Variants in ST8SIA1 observed in about 807,000 individuals in gnomAD.
ST8SIA1 encodes ST8 alpha-N-acetyl-neuraminide alpha-2,8-sialyltransferase 1.
A neutral mutation model predicts 35.9 loss-of-function variants in ST8SIA1; 16 were observed. The observed-to-expected ratio is 0.45, with a 90% CI of 0.30 to 0.68. The LOEUF (loss-of-function observed/expected upper bound fraction) is 0.68. Ranked by LOEUF, ST8SIA1 falls within the 30% of genes least tolerant of loss-of-function variation. The pLI is 0.09. For synonymous variants in ST8SIA1, 170 were observed against 169.6 expected (o/e 1.00, Z -0.02); for missense variants, 383 against 453.6 (o/e 0.84, Z 1.41).
Position 22,264,350 on chromosome 12 carries a change from G to A in ST8SIA1, c.382-8961C>T, listed in dbSNP as rs552971616. Among the ~76,000 whole-genome samples, 11 of 152,152 alleles carry A rather than the reference G, an allele frequency of 7.2e-5. No individual in the cohort carries two copies. The South Asian group carries it at 2.1e-3, about 29-fold the overall frequency. On this transcript the variant is annotated intron_variant, in intron 2 of 4. Transcript: ENST00000396037. ...CTCACATGAACATCTCTTTATCCCTGTACCCCAGTCACTTTATTACTTCAG... is the reference window on the plus strand; with the variant it reads ...CTCACATGAACATCTCTTTATCCCTATACCCCAGTCACTTTATTACTTCAG...
At chr12:22,222,662 T>A (rs1327246975) in intron 4 of ST8SIA1, among the ~76,000 whole-genome samples, 1 of 151,952 alleles carries the variant, frequency 6.6e-6, no homozygotes, top group African/African-American at 2.4e-5. Flanking sequence ...TTATATACAC[T>A]GTATCTCTAG....
At chr12:22,323,259 TTAATC>T (rs1324802034) in intron 1 of ST8SIA1, among the ~76,000 whole-genome samples, 1 of 152,208 alleles carries the variant, frequency 6.6e-6, no homozygotes, top group Non-Finnish European at 1.5e-5. Context: ...ATTTTATAAT[TTAATC>T]TAACAATCAT....
chr12:22,325,401 T>C (rs1173076752), intron 1 of ST8SIA1: 1 of 700,492 alleles, frequency 1.4e-6, no homozygotes, highest in Non-Finnish European at 2.6e-6. Context: ...TCCTGGCACC[T>C]AATTAGAGCG....
Position 22,201,773 on chromosome 12 carries a change from G to C in ST8SIA1, c.850C>G (p.Leu284Val). The C allele has an allele frequency of 6.2e-7, 1 of 1,614,132 alleles. No homozygotes were observed. Among genetic ancestry groups the C allele is most frequent in the South Asian group, 1.1e-5 (1 of 91,092 alleles). Residue 284 changes from leucine to valine, a missense_variant, in exon 5 of 5, where the codon CTG (leucine) becomes GTG (valine). Leu to Val is a conservative substitution (Grantham distance 32, BLOSUM62 1). Coordinates refer to ENST00000396037, the MANE Select transcript of ST8SIA1 (RefSeq NM_003034.4). ...STGLFLVSAA[L>V]GLCEEVAIYG... The stretch of plus-strand genomic sequence containing the variant: ...ATGGCCACCTCTTCACAGAGACCCA[G>C]AGCTGCGCTCACCAGAAAAAGTCCT...
intron 1 of ST8SIA1, among the ~76,000 whole-genome samples, chr12:22,331,080 T>C (rs1325465006): frequency 1.3e-5 from 2 of 152,236 alleles, no homozygotes; most frequent in Non-Finnish European, 1.5e-5. Flanking sequence ...GGTTCTTCTC[T>C]GAGAATTCAG....
rs539040676 is a variant in ST8SIA1 at position 22,235,930 on chromosome 12, G to A, written c.584+13076C>T. Among the ~76,000 whole-genome samples the A allele has an allele frequency of 2.0e-5, 3 of 151,254 alleles. No homozygotes were observed. In the South Asian group the frequency reaches 6.3e-4, roughly 32 times the overall value. ...CACACACACACGTGCACATACACACGCTAATGTCACATACAAAACTGACAA... is the reference window on the plus strand; with the variant it reads ...CACACACACACGTGCACATACACACACTAATGTCACATACAAAACTGACAA... On this transcript the variant is annotated intron_variant, in intron 4 of 4. Coordinates refer to ENST00000396037, the MANE Select transcript of ST8SIA1 (RefSeq NM_003034.4).
At chr12:22,244,832 A>C (rs1003821509) in intron 4 of ST8SIA1, among the ~76,000 whole-genome samples, 1 of 152,112 alleles carries the variant, frequency 6.6e-6, no homozygotes, top group South Asian at 2.1e-4. Context: ...TTTTTTTCCC[A>C]TGTGTAATCT....
chr12:22,283,906 G>A (rs1319627079), intron 2 of ST8SIA1, among the ~76,000 whole-genome samples: 2 of 152,184 alleles, frequency 1.3e-5, no homozygotes, highest in Non-Finnish European at 2.9e-5. Context: ...TTAGAACACA[G>A]AACACTGTCA....
chr12:22,263,242 C>T (rs1270854912), intron 2 of ST8SIA1, among the ~76,000 whole-genome samples: 1 of 152,166 alleles, frequency 6.6e-6, no homozygotes, highest in Non-Finnish European at 1.5e-5. Context: ...CAACAGGAGT[C>T]TCCGTGTTTT....
intron 3 of ST8SIA1, 115 bp from the exon 4 acceptor site, chr12:22,249,213 G>GTTTTTTT (rs771983175): frequency 5.0e-5 from 23 of 461,388 alleles, no homozygotes; most frequent in Admixed American, 7.6e-5. Context: ...TAACTGTTTT[G>GTTTTTTT]TTTTTTGTTT....
chr12:22,237,269 T>C (rs1258242225), intron 4 of ST8SIA1, among the ~76,000 whole-genome samples: 2 of 152,008 alleles, frequency 1.3e-5, no homozygotes, highest in African/African-American at 4.8e-5. Context: ...TTTTTTATTT[T>C]TTATATTTGT....
At chr12:22,213,627 A>T (rs1326227664) in intron 4 of ST8SIA1, among the ~76,000 whole-genome samples, 2 of 152,240 alleles carry the variant, frequency 1.3e-5, no homozygotes, top group Admixed American at 6.5e-5. Flanking sequence ...ACCTGGGGAA[A>T]TGCAAACAAT....
intron 4 of ST8SIA1, chr12:22,223,560 G>A (rs1865324267): frequency 9.5e-7 from 1 of 1,049,628 alleles, no homozygotes; most frequent in African/African-American, 1.7e-5. Flanking sequence ...GAGGAGACAG[G>A]GGCCCATTTT....
At chr12:22,310,413 T>G (rs12301177) in intron 1 of ST8SIA1, among the ~76,000 whole-genome samples, 5,948 of 152,180 alleles carry the variant, frequency 0.039, 357 homozygotes, top group African/African-American at 0.13. Context: ...AAAGACAAAG[T>G]GGCAGGTTCC....
rs1448777616 is a variant in ST8SIA1 at position 22,197,246 on chromosome 12, C to G, written c.*4306G>C. 1 of 152,206 alleles carries G rather than the reference C, an allele frequency of 6.6e-6. No individual in the cohort carries two copies. The highest frequency in any genetic ancestry group is 1.5e-5 in the Non-Finnish European group (1 of 68,048). 9.4% of individuals were successfully genotyped at this position (152,206 alleles called of 1,614,324 possible). A position where few individuals can be genotyped will look rare whatever the true frequency, so the allele number is the denominator to read the frequency against. Reference sequence around the variant, plus strand: ...ACAACATTACTCTCAGTCCTTATTCCTCCACAAGTTTGCGTCAAGTTCACA... The same window carrying G: ...ACAACATTACTCTCAGTCCTTATTCGTCCACAAGTTTGCGTCAAGTTCACA... On this transcript the variant is annotated 3_prime_UTR_variant, in exon 5 of 5. Coordinates refer to ENST00000396037, the MANE Select transcript of ST8SIA1 (RefSeq NM_003034.4).
chr12:22,255,247 G>T, intron 3 of ST8SIA1, 33 bp downstream of exon 3: 3 of 1,574,542 alleles, frequency 1.9e-6, no homozygotes, highest in Non-Finnish European at 2.6e-6. Context: ...AAGGAGAGAA[G>T]GCAGAGGCCG....
Position 22,193,751 on chromosome 12 carries a change from G to T in ST8SIA1, c.*7801C>A, listed in dbSNP as rs1864951005. 1 of 152,054 alleles carries T rather than the reference G, an allele frequency of 6.6e-6. No homozygotes were observed. The highest frequency in any genetic ancestry group is 6.5e-5 in the Admixed American group (1 of 15,276). The allele number at this position is 152,054 out of a possible 1,614,324, so 9.4% of individuals were successfully genotyped here. A position where few individuals can be genotyped will look rare whatever the true frequency, so the allele number is the denominator to read the frequency against. On this transcript the variant is annotated 3_prime_UTR_variant, in exon 5 of 5. Coordinates refer to ENST00000396037, the MANE Select transcript of ST8SIA1 (RefSeq NM_003034.4). ...CAATGTAGGTTGGCTTTAATAGAAA[G>T]AAGCAATTCCATATACTCTTCAAAG...
intron 2 of ST8SIA1, among the ~76,000 whole-genome samples, chr12:22,262,110 G>GA (rs3837484): frequency 0.053 from 8,137 of 152,158 alleles, 361 homozygotes; most frequent in South Asian, 0.17. Flanking sequence ...ATAATATTAG[G>GA]AAGGTGAAAA....
chr12:22,279,096 C>A (rs1866004380), intron 2 of ST8SIA1, among the ~76,000 whole-genome samples: 1 of 152,158 alleles, frequency 6.6e-6, no homozygotes, highest in African/African-American at 2.4e-5. Flanking sequence ...AAATTCTACT[C>A]ATTTATCCAG....
Sources: allele counts gnomAD v4.1 joint callset (sites outside exome capture counted in the v4.1 genomes callset), GRCh38; gene constraint gnomAD v4.1.1; transcripts MANE v1.5; gene names NCBI Gene and HGNC (gene_info 2026-07-23, HGNC 2026-07-21).